IMMP2L: variants seen among roughly 807,000 people sequenced by gnomAD.
IMMP2L encodes inner mitochondrial membrane peptidase subunit 2, also known as mitochondrial inner membrane protease subunit 2.
Under a neutral mutation model 19.3 loss-of-function variants are expected in IMMP2L, and 18 were observed. That is an observed-to-expected ratio of 0.93 (90% CI 0.64 to 1.38). IMMP2L has a LOEUF of 1.38. Ranked by LOEUF, IMMP2L falls within the 40% of genes most tolerant of loss-of-function variation. IMMP2L has a pLI of 0.00. For synonymous variants in IMMP2L, 76 were observed against 73.0 expected, an observed-to-expected ratio of 1.04 and a Z score of -0.21; for missense variants, 233 against 218.2, an observed-to-expected ratio of 1.07 and a Z score of -0.43.
chr7:110,840,842 T>C (rs542950698), intron 5 of IMMP2L, among the ~76,000 whole-genome samples: 6 of 152,064 alleles, frequency 3.9e-5, no homozygotes, highest in Non-Finnish European at 8.8e-5. Context: ...ATACAAACTC[T>C]CAAGTACAAA....
rs575026733 is a variant in IMMP2L, at chr7:111,529,368, G to A, written c.-2-7919C>T. Among the ~76,000 whole-genome samples, 5 of 152,244 alleles carry A rather than the reference G, an allele frequency of 3.3e-5. No homozygotes were observed. The East Asian group carries it at 9.7e-4, about 29-fold the overall frequency. Reference sequence around the variant, plus strand: ...TTTGGTTCCACTGGAAGCAGATCCTGGCAAGTAATCTATAGAAAGCAATTT... The same window carrying A: ...TTTGGTTCCACTGGAAGCAGATCCTAGCAAGTAATCTATAGAAAGCAATTT... On this transcript the variant is annotated intron_variant, in intron 1 of 5. Transcript: ENST00000405709.
At chr7:111,018,784 C>CTTT (rs372582725) in intron 3 of IMMP2L, among the ~76,000 whole-genome samples, 12 of 120,976 alleles carry the variant, frequency 9.9e-5, no homozygotes, top group South Asian at 5.2e-4. Context: ...AATTGTGTGT[C>CTTT]TTTTTATTAT....
chr7:111,162,085 A>G lies in IMMP2L; in HGVS notation c.240-198520T>C, dbSNP rs184804905. Among the ~76,000 whole-genome samples the G allele has an allele frequency of 1.8e-4, 27 of 152,248 alleles. No homozygotes were observed. In the East Asian group the frequency reaches 5.0e-3, roughly 28 times the overall value. On this transcript the variant is annotated intron_variant, in intron 3 of 5. Transcript: ENST00000405709. ...TGGTTAACACACTAAAATTGTTTATATCAAAATCAGAAAATCAATGATTGC... is the reference window on the plus strand; with the variant it reads ...TGGTTAACACACTAAAATTGTTTATGTCAAAATCAGAAAATCAATGATTGC...
chr7:110,781,806 T>C (rs1029731974), intron 5 of IMMP2L, among the ~76,000 whole-genome samples: 30 of 151,964 alleles, frequency 2.0e-4, no homozygotes, highest in African/African-American at 5.8e-4. Context: ...TACCTAATTA[T>C]ACTTATTTTA....
At chr7:111,375,540 T>C (rs377463667) in intron 3 of IMMP2L, among the ~76,000 whole-genome samples, 4 of 152,164 alleles carry the variant, frequency 2.6e-5, no homozygotes, top group African/African-American at 9.6e-5. Context: ...GACTTTTTTT[T>C]TTCAAGATGG....
chr7:110,723,026 C>CAT (rs1218059402), intron 5 of IMMP2L, among the ~76,000 whole-genome samples: 1 of 152,098 alleles, frequency 6.6e-6, no homozygotes, highest in African/African-American at 2.4e-5. Context: ...TCAAGTCTTC[C>CAT]TTAATAGGCA....
At chr7:111,257,865 T>C (rs918124156) in intron 3 of IMMP2L, among the ~76,000 whole-genome samples, 3 of 151,972 alleles carry the variant, frequency 2.0e-5, no homozygotes, top group Admixed American at 6.6e-5. Flanking sequence ...CATGTGCCAG[T>C]TGCTTTGCTG....
chr7:111,124,169 C>T, intron 3 of IMMP2L: 1 of 1,613,900 alleles, frequency 6.2e-7, no homozygotes, highest in Non-Finnish European at 8.5e-7. Context: ...AAACTCTTGC[C>T]TAATACCCTG....
At chr7:111,272,983 G>C (rs1324717356) in intron 3 of IMMP2L, among the ~76,000 whole-genome samples, 1 of 152,082 alleles carries the variant, frequency 6.6e-6, no homozygotes, top group Non-Finnish European at 1.5e-5. Flanking sequence ...GAAACACCTA[G>C]ATCAAAGTCC....
chr7:111,100,119 A>C (rs1002354813), intron 3 of IMMP2L, among the ~76,000 whole-genome samples: 1 of 151,612 alleles, frequency 6.6e-6, no homozygotes, highest in Non-Finnish European at 1.5e-5. Flanking sequence ...TGTCTTCCTT[A>C]GCATGTATTT....
chr7:111,173,476 G>A (rs1014620435), intron 3 of IMMP2L, among the ~76,000 whole-genome samples: 2 of 151,618 alleles, frequency 1.3e-5, no homozygotes, highest in Admixed American at 1.3e-4. Flanking sequence ...TTAAGTTAGT[G>A]TCTACCCAAT....
At chr7:111,379,053 C>A (rs1259064852) in intron 3 of IMMP2L, among the ~76,000 whole-genome samples, 1 of 151,468 alleles carries the variant, frequency 6.6e-6, no homozygotes, top group South Asian at 2.1e-4. Context: ...GCTAATGAGA[C>A]CATTTTGAAA....
At chr7:111,058,714 A>G (rs1793737393) in intron 3 of IMMP2L, among the ~76,000 whole-genome samples, 1 of 152,178 alleles carries the variant, frequency 6.6e-6, no homozygotes, top group Admixed American at 6.5e-5. Context: ...TATACAAATT[A>G]TTGCCACCTA....
At chr7:111,167,758 G>A (rs1412772325) in intron 3 of IMMP2L, among the ~76,000 whole-genome samples, 1 of 151,878 alleles carries the variant, frequency 6.6e-6, no homozygotes, top group Non-Finnish European at 1.5e-5. Flanking sequence ...CACAACAAGA[G>A]CCTGTTGTGT....
chr7:111,498,304 C>G (rs2132398110), intron 2 of IMMP2L, among the ~76,000 whole-genome samples: 1 of 152,138 alleles, frequency 6.6e-6, no homozygotes, highest in Non-Finnish European at 1.5e-5. Context: ...TTAACCATAT[C>G]AGAAATAGAT....
chr7:111,019,836 G>A (rs1307502073), intron 3 of IMMP2L, among the ~76,000 whole-genome samples: 1 of 152,012 alleles, frequency 6.6e-6, no homozygotes, highest in Non-Finnish European at 1.5e-5. Context: ...TAAATTGAAA[G>A]GCAACTCAAT....
intron 3 of IMMP2L, among the ~76,000 whole-genome samples, chr7:111,238,177 C>T (rs994998664): frequency 3.3e-5 from 5 of 151,908 alleles, no homozygotes; most frequent in African/African-American, 9.7e-5. Context: ...CAAGTAAGGA[C>T]ACATAAAGTT....
intron 5 of IMMP2L, among the ~76,000 whole-genome samples, chr7:110,751,313 T>C (rs564308195): frequency 3.3e-5 from 5 of 151,972 alleles, no homozygotes; most frequent in African/African-American, 1.2e-4. Context: ...AAGAAAAATA[T>C]CATGACAATA....
chr7:111,317,263 A>T (rs933278269), intron 3 of IMMP2L, among the ~76,000 whole-genome samples: 3 of 152,152 alleles, frequency 2.0e-5, no homozygotes, highest in African/African-American at 4.8e-5. Flanking sequence ...CATTCAAGAG[A>T]TAAGTACAAC....
Sources: gnomAD v4.1 joint callset for allele counts (sites outside exome capture counted in the v4.1 genomes callset) on GRCh38, gnomAD v4.1.1 for gene constraint, MANE v1.5 for transcripts, NCBI Gene and HGNC (gene_info 2026-07-23, HGNC 2026-07-21) for gene names.